Variants in CHSY3 observed in about 807,000 individuals in gnomAD.
CHSY3 encodes the protein chondroitin sulfate synthase 3, also known as N-acetylgalactosaminyl-proteoglycan 3-beta-glucuronosyltransferase 3.
In CHSY3, 35 loss-of-function variants were observed where a neutral mutation model predicts 67.2. The observed-to-expected ratio is 0.52, with a 90% CI of 0.40 to 0.69. The LOEUF is 0.69. Ranked by LOEUF, CHSY3 falls within the 30% of genes least tolerant of loss-of-function variation. CHSY3 has a pLI of 0.00. For synonymous variants in CHSY3, 474 were observed against 434.7 expected (o/e 1.09, Z -1.12); for missense variants, 1,069 against 1,138.5 (o/e 0.94, Z 0.88).
intron 2 of CHSY3, among the ~76,000 whole-genome samples, chr5:129,980,972 C>T (rs1338115623): frequency 6.7e-6 from 1 of 149,638 alleles, no homozygotes; most frequent in Admixed American, 6.8e-5. Context: ...TTTGGGAGGC[C>T]GAGGCGGGCG....
At chr5:130,052,998 A>G (rs750532069) in intron 2 of CHSY3, among the ~76,000 whole-genome samples, 2 of 152,194 alleles carry the variant, frequency 1.3e-5, no homozygotes, top group Non-Finnish European at 2.9e-5. Context: ...AGTGAATTGG[A>G]TAACAAGCCC....
intron 2 of CHSY3, among the ~76,000 whole-genome samples, chr5:130,160,268 T>C (rs967510142): frequency 2.4e-4 from 36 of 152,340 alleles, no homozygotes; most frequent in African/African-American, 7.9e-4. Flanking sequence ...CTCCCAATAC[T>C]TGCCTTACTT....
At chr5:130,067,584 G>C (rs1645289337) in intron 2 of CHSY3, among the ~76,000 whole-genome samples, 1 of 152,020 alleles carries the variant, frequency 6.6e-6, no homozygotes, top group African/African-American at 2.4e-5. Flanking sequence ...TGCCACCTCT[G>C]TACTCTATGG....
chr5:129,920,906 C>A (rs919480357), intron 2 of CHSY3, among the ~76,000 whole-genome samples: 2 of 152,090 alleles, frequency 1.3e-5, no homozygotes, highest in Non-Finnish European at 2.9e-5. Context: ...GCAGCCTCGA[C>A]TTCCTGGGCT....
At chr5:129,918,970 G>A (rs866303100) in intron 2 of CHSY3, among the ~76,000 whole-genome samples, 182 of 148,774 alleles carry the variant, frequency 1.2e-3, no homozygotes, top group African/African-American at 4.3e-3. Context: ...AGCCGGGCGC[G>A]GTGGCGGGCG....
intron 2 of CHSY3, among the ~76,000 whole-genome samples, chr5:129,911,826 G>C (rs986251639): frequency 2.6e-5 from 4 of 152,164 alleles, no homozygotes; most frequent in African/African-American, 9.7e-5. Flanking sequence ...GGAGGCTGAC[G>C]CGGGCGGATC....
intron 2 of CHSY3, among the ~76,000 whole-genome samples, chr5:130,096,784 C>T (rs893899036): frequency 6.6e-6 from 1 of 152,066 alleles, no homozygotes; most frequent in African/African-American, 2.4e-5. Context: ...CAAATTCAGC[C>T]TCTTTATCCC....
At chr5:130,137,281 T>C (rs1768696360) in intron 2 of CHSY3, among the ~76,000 whole-genome samples, 1 of 152,212 alleles carries the variant, frequency 6.6e-6, no homozygotes, top group Non-Finnish European at 1.5e-5. Context: ...ACAACTCTTT[T>C]CCTTTATCAG....
At chr5:129,988,769 T>A (rs1763275231) in intron 2 of CHSY3, among the ~76,000 whole-genome samples, 1 of 152,226 alleles carries the variant, frequency 6.6e-6, no homozygotes, top group African/African-American at 2.4e-5. Context: ...AACTCTCTGG[T>A]CTTTTGCAAT....
intron 2 of CHSY3, among the ~76,000 whole-genome samples, chr5:129,917,506 G>A (rs1760767937): frequency 6.6e-6 from 1 of 152,200 alleles, no homozygotes; most frequent in Non-Finnish European, 1.5e-5. Flanking sequence ...GCAGAAGAAA[G>A]GCATGAAATA....
At chr5:130,180,669 A>G (rs758171753) in intron 2 of CHSY3, among the ~76,000 whole-genome samples, 5 of 151,954 alleles carry the variant, frequency 3.3e-5, no homozygotes, top group Non-Finnish European at 5.9e-5. Context: ...CCTAGGCAAC[A>G]TAGTGAGACC....
At chr5:129,998,859 G>A (rs1763631830) in intron 2 of CHSY3, among the ~76,000 whole-genome samples, 1 of 151,838 alleles carries the variant, frequency 6.6e-6, no homozygotes, top group South Asian at 2.1e-4. Context: ...TTTTAGGTTA[G>A]TTGTTTGGGC....
intron 2 of CHSY3, among the ~76,000 whole-genome samples, chr5:129,952,794 A>C (rs1270508980): frequency 6.6e-6 from 1 of 152,242 alleles, no homozygotes; most frequent in Non-Finnish European, 1.5e-5. Context: ...GAGGAAAAGT[A>C]ACTTTTAATG....
chr5:130,173,257 G>A (rs1281045991), intron 2 of CHSY3, among the ~76,000 whole-genome samples: 1 of 151,954 alleles, frequency 6.6e-6, no homozygotes, highest in Non-Finnish European at 1.5e-5. Flanking sequence ...AGAGACAAGA[G>A]ACAAAATATT....
intron 2 of CHSY3, among the ~76,000 whole-genome samples, chr5:130,084,096 A>C (rs1379631166): frequency 6.6e-6 from 1 of 151,988 alleles, no homozygotes; most frequent in South Asian, 2.1e-4. Context: ...CGTCTGAGGG[A>C]TATTTCATTG....
intron 2 of CHSY3, among the ~76,000 whole-genome samples, chr5:129,983,836 T>C (rs1763092936): frequency 6.6e-6 from 1 of 152,114 alleles, no homozygotes; most frequent in African/African-American, 2.4e-5. Context: ...GGTAGAATGG[T>C]AATTATATGT....
At chr5:130,045,971 C>T (rs181788805) in intron 2 of CHSY3, among the ~76,000 whole-genome samples, 153 of 152,134 alleles carry the variant, frequency 1.0e-3, no homozygotes, top group African/African-American at 3.6e-3. Flanking sequence ...ACCCTTGCCT[C>T]ATTTATTGTG....
At chr5:129,923,478 C>CA (rs940099107) in intron 2 of CHSY3, among the ~76,000 whole-genome samples, 8 of 150,380 alleles carry the variant, frequency 5.3e-5, no homozygotes, top group Non-Finnish European at 8.9e-5. Context: ...TTGTAGCAGT[C>CA]AAAAAAAATA....
At chr5:130,085,661 G>A (rs1766592425) in intron 2 of CHSY3, among the ~76,000 whole-genome samples, 1 of 151,678 alleles carries the variant, frequency 6.6e-6, no homozygotes, top group African/African-American at 2.4e-5. Context: ...GCTTTTGAAT[G>A]TGTTTGCTCT....
Sources: gnomAD v4.1 joint callset for allele counts (sites outside exome capture counted in the v4.1 genomes callset) on GRCh38, gnomAD v4.1.1 for gene constraint, MANE v1.5 for transcripts, NCBI Gene and HGNC (gene_info 2026-07-23, HGNC 2026-07-21) for gene names.